STK33: variants seen among roughly 807,000 people sequenced by gnomAD.
The protein encoded by STK33 is serine/threonine-protein kinase 33.
Under a neutral mutation model 58.0 loss-of-function variants are expected in STK33, and 52 were observed. The observed-to-expected ratio is 0.90, with a 90% CI of 0.72 to 1.13. The LOEUF (loss-of-function observed/expected upper bound fraction) is 1.13. STK33 is among the 50% of genes most tolerant of loss of function. STK33 has a pLI of 0.00. For synonymous variants in STK33, 215 were observed against 200.1 expected (o/e 1.07, Z -0.63); for missense variants, 630 against 604.2 (o/e 1.04, Z -0.45).
intron 11 of STK33, among the ~76,000 whole-genome samples, chr11:8,450,830 T>C (rs1761423215): frequency 1.3e-5 from 2 of 152,162 alleles, no homozygotes; most frequent in Admixed American, 1.3e-4. Flanking sequence ...AAATTGATTA[T>C]GTAATTACTT....
chr11:8,449,904 C>T (rs1946055266), intron 11 of STK33, among the ~76,000 whole-genome samples: 1 of 152,156 alleles, frequency 6.6e-6, no homozygotes, highest in South Asian at 2.1e-4. Flanking sequence ...CAGGAAACAA[C>T]AGATGCTGGA....
At chr11:8,448,248 C>A (rs1285595334) in intron 11 of STK33, among the ~76,000 whole-genome samples, 5 of 152,160 alleles carry the variant, frequency 3.3e-5, no homozygotes, top group African/African-American at 1.2e-4. Flanking sequence ...CATCAAGCTA[C>A]CAATGACTTT....
rs372331008 is a variant in STK33, at chr11:8,496,244, C to G, written c.-465-15630G>C. ...AGAGGGAAGGAACACTCAGGAACAA[C>G]TGCAGTTATCCTCTAATTTAACTTT... On this transcript the variant is annotated intron_variant, in intron 1 of 15. Transcript: ENST00000687296. Among the ~76,000 whole-genome samples, 148 of 152,272 alleles carry G rather than the reference C, an allele frequency of 9.7e-4. 1 individual carries two copies. The highest frequency in any genetic ancestry group is 3.3e-3 in the African/African-American group (139 of 41,554).
intron 14 of STK33, among the ~76,000 whole-genome samples, chr11:8,435,263 T>C (rs1330795598): frequency 1.3e-5 from 2 of 152,186 alleles, no homozygotes; most frequent in African/African-American, 4.8e-5. Flanking sequence ...TTCATGACAC[T>C]GAGCAAAGAT....
intron 15 of STK33, 57 bp downstream of exon 15, chr11:8,413,438 C>A (rs998917011): frequency 2.3e-5 from 37 of 1,578,206 alleles, no homozygotes; most frequent in Admixed American, 1.9e-4. Context: ...AAAAAATGTT[C>A]CAGGTGTGGT....
intron 15 of STK33, among the ~76,000 whole-genome samples, chr11:8,402,458 C>T (rs1938233944): frequency 6.6e-6 from 1 of 152,010 alleles, no homozygotes; most frequent in Non-Finnish European, 1.5e-5. Flanking sequence ...CACACCGGGG[C>T]CTGTTGTGGG....
At chr11:8,536,969 AAG>A (rs1373781973) in intron 1 of STK33, among the ~76,000 whole-genome samples, 187 of 116,862 alleles carry the variant, frequency 1.6e-3, no homozygotes, top group Non-Finnish European at 2.5e-3. Flanking sequence ...AAAAAAAAAA[AAG>A]ATTTTTTTTT....
the STK33 span, among the ~76,000 whole-genome samples, chr11:8,381,212 C>A: frequency 1.3e-5 from 2 of 152,250 alleles, no homozygotes; most frequent in Non-Finnish European, 2.9e-5. Flanking sequence ...CATCACTGTA[C>A]AATTCATCCG....
chr11:8,435,613 T>C (rs1227656883), intron 13 of STK33, 34 bp from the exon 14 acceptor site: 2 of 1,304,036 alleles, frequency 1.5e-6, no homozygotes, highest in South Asian at 1.7e-5. Flanking sequence ...AAAAATCTTA[T>C]TTAACTACAA....
chr11:8,486,079 T>C (rs1416083486), intron 1 of STK33, among the ~76,000 whole-genome samples: 2 of 152,026 alleles, frequency 1.3e-5, no homozygotes, highest in African/African-American at 2.4e-5. Flanking sequence ...ACTGCAAGAG[T>C]TTCCTAACTG....
At chr11:8,517,019 G>A (rs1000890558) in intron 1 of STK33, among the ~76,000 whole-genome samples, 8 of 152,160 alleles carry the variant, frequency 5.3e-5, no homozygotes, top group Admixed American at 1.3e-4. Context: ...ATCTAAGAAC[G>A]AACAGACTGC....
chr11:8,540,511 CAGT>C (rs1210487960), intron 1 of STK33, among the ~76,000 whole-genome samples: 1 of 151,862 alleles, frequency 6.6e-6, no homozygotes, highest in African/African-American at 2.4e-5. Flanking sequence ...TAAAAAGAAA[CAGT>C]GGTGTGTATA....
At chr11:8,382,585 C>T in the STK33 span, among the ~76,000 whole-genome samples, 1 of 152,140 alleles carries the variant, frequency 6.6e-6, no homozygotes, top group African/African-American at 2.4e-5. Flanking sequence ...TGCCTGTGGG[C>T]GGGAGGCGTG....
intron 9 of STK33, 136 bp from the exon 10 acceptor site, chr11:8,454,968 C>CCTG: frequency 1.1e-6 from 1 of 881,678 alleles, no homozygotes; most frequent in Non-Finnish European, 1.5e-6. Flanking sequence ...CTGTCCTGTT[C>CCTG]TATTCTCTCA....
chr11:8,550,139 T>C (rs1956208671), intron 1 of STK33, among the ~76,000 whole-genome samples: 1 of 152,210 alleles, frequency 6.6e-6, no homozygotes, highest in East Asian at 1.9e-4. Context: ...CAAACAATTA[T>C]TGTAACAGTT....
chr11:8,518,964 T>C (rs1325005205), intron 1 of STK33, among the ~76,000 whole-genome samples: 1 of 152,160 alleles, frequency 6.6e-6, no homozygotes, highest in African/African-American at 2.4e-5. Flanking sequence ...TATCCAGGAA[T>C]TGAACTCAGC....
chr11:8,407,883 C>T (rs1192135121), intron 15 of STK33, among the ~76,000 whole-genome samples: 1 of 152,054 alleles, frequency 6.6e-6, no homozygotes, highest in Non-Finnish European at 1.5e-5. Flanking sequence ...ACACGCTTAG[C>T]AATAGCATTG....
chr11:8,517,590 G>GA (rs1368851912), intron 1 of STK33, among the ~76,000 whole-genome samples: 9 of 152,108 alleles, frequency 5.9e-5, no homozygotes, highest in African/African-American at 2.2e-4. Flanking sequence ...TAAAAACCTT[G>GA]AAAAAAGATT....
At chr11:8,397,239 G>T (rs552145216) in intron 15 of STK33, among the ~76,000 whole-genome samples, 1 of 152,194 alleles carries the variant, frequency 6.6e-6, no homozygotes, top group African/African-American at 2.4e-5. Context: ...CACCTCACAC[G>T]GTCGGGTACT....
Sources: allele counts gnomAD v4.1 joint callset (sites outside exome capture counted in the v4.1 genomes callset), GRCh38; gene constraint gnomAD v4.1.1; transcripts MANE v1.5; gene names NCBI Gene and HGNC (gene_info 2026-07-23, HGNC 2026-07-21).